Variants in INPP4B observed in about 807,000 individuals in gnomAD.
INPP4B encodes inositol polyphosphate-4-phosphatase type II B, also known as inositol polyphosphate 4-phosphatase type II.
Under a neutral mutation model 122.5 loss-of-function variants are expected in INPP4B, and 55 were observed. The observed-to-expected ratio is 0.45, with a 90% confidence interval of 0.36 to 0.56. The LOEUF is 0.56. Ranked by LOEUF, INPP4B falls within the 20% of genes least tolerant of loss-of-function variation. INPP4B has a pLI of 0.00. For synonymous variants in INPP4B, 403 were observed against 388.7 expected, an observed-to-expected ratio of 1.04 and a Z score of -0.43; for missense variants, 1,000 against 1,097.7, an observed-to-expected ratio of 0.91 and a Z score of 1.26.
At chr4:142,643,897 C>G (rs1396329288) in intron 2 of INPP4B, among the ~76,000 whole-genome samples, 2 of 152,138 alleles carry the variant, frequency 1.3e-5, no homozygotes, top group African/African-American at 2.4e-5. Flanking sequence ...GCTACATCAA[C>G]TCCCCGCATA....
chr4:142,443,464 C>T (rs1172759287), intron 3 of INPP4B, among the ~76,000 whole-genome samples: 1 of 152,086 alleles, frequency 6.6e-6, no homozygotes, highest in Non-Finnish European at 1.5e-5. Context: ...AAGGGAGGAG[C>T]AGTAAATCTT....
Position 142,254,680 on chromosome 4 carries a change from G to C in INPP4B, c.688+5812C>G, listed in dbSNP as rs1036210371. On this transcript the variant is annotated intron_variant, in intron 11 of 25. Transcript: ENST00000262992. ...AAAAGAATAAAAAGAAATGAACAAA[G>C]CCTCCAAGAAATATGGGACTATGTG... Among the ~76,000 whole-genome samples the C allele has an allele frequency of 9.2e-5, 14 of 152,172 alleles. 1 individual carries two copies. The highest frequency in any genetic ancestry group is 3.9e-4 in the Admixed American group (6 of 15,286).
chr4:142,646,196 G>A (rs1225014662), intron 2 of INPP4B, among the ~76,000 whole-genome samples: 1 of 152,134 alleles, frequency 6.6e-6, no homozygotes, highest in Non-Finnish European at 1.5e-5. Flanking sequence ...TTTATTGTAT[G>A]TAAATTATAT....
In INPP4B at chr4:142,246,031, C is replaced by T. The variant is rs1025496030; in HGVS notation, c.689-8020G>A. 4.0e-4 allele frequency among the ~76,000 whole-genome samples: 53 copies of T among 132,248 alleles called. 1 individual carries two copies. The highest frequency in any genetic ancestry group is 1.1e-3 in the East Asian group (5 of 4,368). 86.8% of individuals were successfully genotyped at this position (132,248 alleles called of 152,430 possible). A position where few individuals can be genotyped will look rare whatever the true frequency, so the allele number is the denominator to read the frequency against. ...ATACACACATGTGTGTATGTACACACACGTGTGTGTATACACACATTATAT... is the reference window on the plus strand; with the variant it reads ...ATACACACATGTGTGTATGTACACATACGTGTGTGTATACACACATTATAT... On this transcript the variant is annotated intron_variant, in intron 11 of 25. Coordinates refer to ENST00000262992, the MANE Select transcript of INPP4B (RefSeq NM_001101669.3).
At chr4:142,373,396 C>CA (rs1285711485) in intron 7 of INPP4B, among the ~76,000 whole-genome samples, 1 of 151,936 alleles carries the variant, frequency 6.6e-6, no homozygotes, top group African/African-American at 2.4e-5. Flanking sequence ...ACACTCCTTG[C>CA]AAAATATAAT....
intron 12 of INPP4B, among the ~76,000 whole-genome samples, chr4:142,211,123 C>T (rs1345656340): frequency 6.6e-6 from 1 of 152,066 alleles, no homozygotes. Flanking sequence ...TACTGTCTCT[C>T]CACATTGAGA....
rs144043086 is a variant in INPP4B, at chr4:142,179,493, G to A, written c.1182-5684C>T. 2.4e-3 allele frequency among the ~76,000 whole-genome samples: 345 copies of A among 144,700 alleles called. 2 individuals are homozygous for A. Among genetic ancestry groups the A allele is most frequent in the African/African-American group, 8.1e-3 (320 of 39,616 alleles). 94.9% of individuals were successfully genotyped at this position (144,700 alleles called of 152,430 possible). ...ATCTCAAAAAAAAAAAAAAAAAAAG[G>A]TTTCATGAAAATTTTAGAATCAAAG... On this transcript the variant is annotated intron_variant, in intron 15 of 25. Coordinates refer to ENST00000262992, the MANE Select transcript of INPP4B (RefSeq NM_001101669.3).
At chr4:142,117,709 C>T (rs1023982826) in intron 21 of INPP4B, among the ~76,000 whole-genome samples, 29 of 152,094 alleles carry the variant, frequency 1.9e-4, no homozygotes, top group Non-Finnish European at 2.8e-4. Flanking sequence ...CAATATCATA[C>T]TGAATAGGCA....
chr4:142,770,749 G>A (rs181005581), intron 1 of INPP4B, among the ~76,000 whole-genome samples: 4 of 152,136 alleles, frequency 2.6e-5, no homozygotes, highest in Middle Eastern at 3.4e-3. Context: ...CATCTGTGCC[G>A]CATTCTCTGA....
At chr4:142,424,265 A>G (rs1807565498) in intron 5 of INPP4B, among the ~76,000 whole-genome samples, 1 of 151,972 alleles carries the variant, frequency 6.6e-6, no homozygotes, top group Non-Finnish European at 1.5e-5. Context: ...AATGATTTCA[A>G]GAGTAGTAGT....
chr4:142,176,118 T>TTTATTATTATTATTATTATTA (rs146074826), intron 15 of INPP4B, among the ~76,000 whole-genome samples: 3 of 137,620 alleles, frequency 2.2e-5, no homozygotes, highest in Non-Finnish European at 3.1e-5. Flanking sequence ...ACTGCTTTCT[T>TTTATTATTATTATTATTATTA]TTATTATTAT....
At position 142,617,734 on chromosome 4, in the gene INPP4B, A is replaced by C. The variant is rs148984633; in HGVS notation, c.-191+108105T>G. Among the ~76,000 whole-genome samples, 403 of 152,260 alleles carry C rather than the reference A, an allele frequency of 2.6e-3. 6 individuals carry two copies. The highest frequency in any genetic ancestry group is 0.018 in the East Asian group (93 of 5,170). On this transcript the variant is annotated intron_variant, in intron 2 of 25. Coordinates refer to ENST00000262992, the MANE Select transcript of INPP4B (RefSeq NM_001101669.3). ...ATGAAAAGGGAGAATATCCCTGATT[A>C]AGTCATCTGCTAAAAAATAGTTACA...
chr4:142,437,631 A>T (rs145010145), intron 3 of INPP4B, among the ~76,000 whole-genome samples: 1 of 152,302 alleles, frequency 6.6e-6, no homozygotes, highest in African/African-American at 2.4e-5. Flanking sequence ...AAGAATTTTC[A>T]ACCCAGAATT....
intron 2 of INPP4B, among the ~76,000 whole-genome samples, chr4:142,527,857 T>A (rs1827129210): frequency 6.6e-6 from 1 of 152,080 alleles, no homozygotes; most frequent in South Asian, 2.1e-4. Context: ...TTTTCCTTTT[T>A]TTTTAAACTG....
At chr4:142,307,501 T>C (rs976894336) in intron 8 of INPP4B, among the ~76,000 whole-genome samples, 2 of 152,182 alleles carry the variant, frequency 1.3e-5, no homozygotes, top group Non-Finnish European at 2.9e-5. Context: ...TGACAATGAA[T>C]GAATGAATGA....
intron 7 of INPP4B, among the ~76,000 whole-genome samples, chr4:142,367,583 C>G (rs1265438159): frequency 2.6e-5 from 4 of 152,030 alleles, no homozygotes; most frequent in Non-Finnish European, 5.9e-5. Context: ...CCCAGGGTCA[C>G]AGGTTTAGTA....
intron 25 of INPP4B, among the ~76,000 whole-genome samples, chr4:142,069,484 G>A (rs1364883726): frequency 2.6e-5 from 4 of 152,064 alleles, no homozygotes; most frequent in Non-Finnish European, 4.4e-5. Context: ...ACTAAGATCA[G>A]AGCAGAACTG....
At chr4:142,614,212 A>C (rs1560867472) in intron 2 of INPP4B, among the ~76,000 whole-genome samples, 1 of 152,074 alleles carries the variant, frequency 6.6e-6, no homozygotes. Flanking sequence ...ACAGAGCAAG[A>C]CTCTGTCTCA....
intron 2 of INPP4B, among the ~76,000 whole-genome samples, chr4:142,567,450 A>G (rs1731863657): frequency 6.6e-6 from 1 of 152,068 alleles, no homozygotes; most frequent in African/African-American, 2.4e-5. Flanking sequence ...TTAGCTCATT[A>G]TCTCCCCCTT....
Sources: allele counts gnomAD v4.1 joint callset (sites outside exome capture counted in the v4.1 genomes callset), GRCh38; gene constraint gnomAD v4.1.1; transcripts MANE v1.5; gene names NCBI Gene and HGNC (gene_info 2026-07-23, HGNC 2026-07-21).